Variants in ZNF44 observed in about 807,000 individuals in gnomAD.
ZNF44 encodes the protein gonadotropin inducible transcription repressor-2.
In ZNF44, 9 loss-of-function variants were observed where a neutral mutation model predicts 11.7. That is an observed-to-expected ratio of 0.77 (90% CI 0.46 to 1.35). The LOEUF (loss-of-function observed/expected upper bound fraction) is 1.35, where lower values mean the gene tolerates loss of function less well. Among genes scored for constraint, ZNF44 ranks in the 40% most tolerant of loss-of-function variants. ZNF44 has a pLI of 0.00. For missense variants in ZNF44, 696 were observed against 743.1 expected, an observed-to-expected ratio of 0.94 and a Z score of 0.74; for synonymous variants, 224 against 242.7, an observed-to-expected ratio of 0.92 and a Z score of 0.72.
intron 5 of ZNF44, among the ~76,000 whole-genome samples, chr19:12,254,763 A>C: frequency 6.6e-6 from 1 of 151,752 alleles, no homozygotes; most frequent in Middle Eastern, 3.4e-3. Context: ...AATAAAATAA[A>C]AAATAAATGA....
intron 1 of ZNF44, among the ~76,000 whole-genome samples, chr19:12,288,771 A>ATGTATATATATATATATATATATATATAT (rs1253278392): frequency 2.6e-5 from 1 of 38,368 alleles, no homozygotes; most frequent in Non-Finnish European, 4.5e-5. Flanking sequence ...AAAAAAAAAA[A>ATGTATATATATATATATATATATATATAT]ATGTATATAT....
At chr19:12,261,678 T>A (rs919602965) in intron 5 of ZNF44, among the ~76,000 whole-genome samples, 1 of 152,162 alleles carries the variant, frequency 6.6e-6, no homozygotes, top group Admixed American at 6.6e-5. Context: ...TGTTCAACAA[T>A]AGTGAATAGG....
At chr19:12,238,624 CAAAAAAAAA>C (rs760047200), upstream of ZNF44, among the ~76,000 whole-genome samples, 2 of 62,668 alleles carry the variant, frequency 3.2e-5, no homozygotes, top group Non-Finnish European at 7.0e-5. Flanking sequence ...GAGACTGTCT[CAAAAAAAAA>C]AAAAAAAAAA....
chr19:12,243,238 ACAGT>A (rs1432455726), downstream of ZNF44, among the ~76,000 whole-genome samples: 11 of 152,320 alleles, frequency 7.2e-5, no homozygotes, highest in Admixed American at 7.2e-4. Flanking sequence ...AATGGTTACC[ACAGT>A]CAAATTAACA....
intron 1 of ZNF44, among the ~76,000 whole-genome samples, chr19:12,279,899 T>C (rs1253012519): frequency 8.0e-6 from 1 of 125,348 alleles, no homozygotes; most frequent in African/African-American, 3.4e-5. Context: ...AAGAAAAAAA[T>C]GATATGGGTT....
At chr19:12,236,226 G>A (rs200995486) in intron 1 of ZNF44, among the ~76,000 whole-genome samples, 2 of 152,178 alleles carry the variant, frequency 1.3e-5, no homozygotes, top group Non-Finnish European at 2.9e-5. Flanking sequence ...ACAGAATTGT[G>A]GATTTGAGAC....
intron 1 of ZNF44, among the ~76,000 whole-genome samples, chr19:12,277,481 C>A (rs911664687): frequency 1.3e-4 from 19 of 151,940 alleles, no homozygotes; most frequent in African/African-American, 4.6e-4. Context: ...TTACATAAAC[C>A]AATTTTTATA....
chr19:12,245,276 TAATATA>T (rs1191672052), downstream of ZNF44, among the ~76,000 whole-genome samples: 1 of 152,260 alleles, frequency 6.6e-6, no homozygotes, highest in Non-Finnish European at 1.5e-5. Flanking sequence ...TGGGATATTT[TAATATA>T]TATTCTCAGG....
intron 1 of ZNF44, chr19:12,234,960 A>G (rs939303913): frequency 2.6e-5 from 4 of 152,302 alleles, no homozygotes; most frequent in Non-Finnish European, 5.9e-5. Context: ...AGGCGAAAGA[A>G]AGACATGAGC....
At chr19:12,247,765 T>G (rs917888490) in exon 8 of ZNF44, 44 of 1,311,738 alleles carry the variant, frequency 3.4e-5, no homozygotes, top group Non-Finnish European at 4.4e-5. Context: ...TTTCCACATT[T>G]TTTACACTCA....
intron 1 of ZNF44, among the ~76,000 whole-genome samples, chr19:12,286,321 T>A (rs1053274810): frequency 6.6e-6 from 1 of 152,150 alleles, no homozygotes; most frequent in South Asian, 2.1e-4. Flanking sequence ...ATGAGAATCA[T>A]CTGAAGGGCT....
chr19:12,283,011 C>A (rs1036925372), intron 1 of ZNF44, among the ~76,000 whole-genome samples: 14 of 152,188 alleles, frequency 9.2e-5, no homozygotes, highest in African/African-American at 2.7e-4. Context: ...TTCTCCTAAA[C>A]TTTCTCATAA....
At chr19:12,244,631 A>G (rs1349614639), downstream of ZNF44, 2 of 152,702 alleles carry the variant, frequency 1.3e-5, no homozygotes, top group East Asian at 1.9e-4. Context: ...CCAGGTGACC[A>G]TAATGGATCA....
intron 5 of ZNF44, among the ~76,000 whole-genome samples, chr19:12,259,323 TC>T (rs1273295343): frequency 6.6e-6 from 1 of 152,186 alleles, no homozygotes; most frequent in East Asian, 1.9e-4. Flanking sequence ...CAGGATACCT[TC>T]ATTAAATTTG....
chr19:12,235,864 ATC>A (rs761586659), intron 1 of ZNF44, among the ~76,000 whole-genome samples: 2 of 152,192 alleles, frequency 1.3e-5, no homozygotes, highest in African/African-American at 2.4e-5. Flanking sequence ...ACAGGGACAG[ATC>A]ACCCTATAAA....
At chr19:12,270,601 G>A (rs1240394013), downstream of ZNF44, among the ~76,000 whole-genome samples, 2 of 151,988 alleles carry the variant, frequency 1.3e-5, no homozygotes, top group Non-Finnish European at 2.9e-5. Context: ...ACATGCGCAT[G>A]ACACCAGGCC....
intron 1 of ZNF44, among the ~76,000 whole-genome samples, chr19:12,284,113 A>G (rs1054088164): frequency 2.0e-5 from 3 of 152,228 alleles, no homozygotes; most frequent in African/African-American, 7.2e-5. Flanking sequence ...TATGCCTAAA[A>G]CAAAAAGAGA....
downstream of ZNF44, among the ~76,000 whole-genome samples, chr19:12,267,859 CAG>C (rs1163759638): frequency 6.8e-6 from 1 of 148,122 alleles, no homozygotes; most frequent in African/African-American, 2.5e-5. Context: ...ATTTTTGAGA[CAG>C]AGTCTTGCTC....
intron 2 of ZNF44, among the ~76,000 whole-genome samples, chr19:12,231,954 G>GTTCA (rs1166744376): frequency 1.3e-5 from 2 of 152,214 alleles, no homozygotes; most frequent in Non-Finnish European, 2.9e-5. Flanking sequence ...GGGAACCAGA[G>GTTCA]TTCAGCATAT....
Sources: gnomAD v4.1 joint callset for allele counts (sites outside exome capture counted in the v4.1 genomes callset) on GRCh38, gnomAD v4.1.1 for gene constraint, MANE v1.5 for transcripts, NCBI Gene and HGNC (gene_info 2026-07-23, HGNC 2026-07-21) for gene names.